SCMH1: variants seen among roughly 807,000 people sequenced by gnomAD.
The protein encoded by SCMH1 is Scm polycomb group protein homolog 1.
SCMH1 carries 37 observed loss-of-function variants against 70.8 expected under a neutral mutation model. That is an observed-to-expected ratio of 0.52 (90% CI 0.40 to 0.69). SCMH1 has a LOEUF of 0.69. Ranked by LOEUF, SCMH1 falls within the 30% of genes least tolerant of loss-of-function variation. SCMH1 has a pLI of 0.00. For synonymous variants in SCMH1, 292 were observed against 307.4 expected (o/e 0.95, Z 0.52); for missense variants, 607 against 827.3 (o/e 0.73, Z 3.27).
At chr1:41,071,294 T>C (rs1330277400) in intron 9 of SCMH1, among the ~76,000 whole-genome samples, 1 of 152,198 alleles carries the variant, frequency 6.6e-6, no homozygotes, top group Non-Finnish European at 1.5e-5. Context: ...CTTGAAATGC[T>C]CTCTTTTTAA....
chr1:41,204,739 G>C (rs1208665231), intron 1 of SCMH1, among the ~76,000 whole-genome samples: 1 of 152,054 alleles, frequency 6.6e-6, no homozygotes, highest in Non-Finnish European at 1.5e-5. Flanking sequence ...TCTCCACATA[G>C]CAGTTAGCAC....
At chr1:41,235,569 TAAAAAAAAAAAAAAAAAAA>T (rs61093555) in intron 1 of SCMH1, among the ~76,000 whole-genome samples, 1 of 43,086 alleles carries the variant, frequency 2.3e-5, no homozygotes, top group Non-Finnish European at 6.1e-5. Context: ...AGACTCCGTC[TAAAAAAAAAAAAAAAAAAA>T]AAAAAAAAGA....
rs780195099 is a variant in SCMH1 at position 41,028,206 on chromosome 1, C to A, written c.1935G>T (p.Gln645His). The A allele has an allele frequency of 2.5e-6, 4 of 1,614,048 alleles. No individual in the cohort carries two copies. In the Admixed American group the frequency reaches 5.0e-5, roughly 20 times the overall value. The change falls in exon 15 of 15, where the codon CAG (glutamine) becomes CAT (histidine). Residue 645 changes from glutamine (Q) to histidine (H), a missense_variant. Transcript: ENST00000337495. Reference sequence around the variant, plus strand: ...TGCCTCTCCTGGTTCAGAACTTGCCCTGCTTCAGCCGGTCAATGTGGTAGG... The same window carrying A: ...TGCCTCTCCTGGTTCAGAACTTGCCATGCTTCAGCCGGTCAATGTGGTAGG...
At chr1:41,207,220 C>A (rs1454621010) in intron 1 of SCMH1, among the ~76,000 whole-genome samples, 2 of 152,082 alleles carry the variant, frequency 1.3e-5, no homozygotes, top group Non-Finnish European at 2.9e-5. Context: ...GGGCTAAATG[C>A]CCCAATTAAA....
chr1:41,193,969 A>G (rs1337022153), intron 1 of SCMH1, among the ~76,000 whole-genome samples: 1 of 152,202 alleles, frequency 6.6e-6, no homozygotes, highest in Non-Finnish European at 1.5e-5. Context: ...TGCATACTAC[A>G]TGTCTACTAA....
chr1:41,061,235 G>A (rs989474800), intron 10 of SCMH1, among the ~76,000 whole-genome samples: 2 of 152,124 alleles, frequency 1.3e-5, no homozygotes, highest in African/African-American at 4.8e-5. Context: ...ACCAGGTTAG[G>A]AGGATGAGAG....
intron 1 of SCMH1, among the ~76,000 whole-genome samples, chr1:41,201,734 G>C (rs1288300410): frequency 6.6e-6 from 1 of 152,164 alleles, no homozygotes; most frequent in Admixed American, 6.5e-5. Flanking sequence ...AGTGACTTAA[G>C]AGGGCAAGAA....
chr1:41,045,439 A>G (rs569730698), intron 12 of SCMH1, among the ~76,000 whole-genome samples: 1 of 152,190 alleles, frequency 6.6e-6, no homozygotes, highest in Non-Finnish European at 1.5e-5. Flanking sequence ...AGAATGGGGG[A>G]ACAGTCACTT....
chr1:41,135,395 T>C (rs1643120869), intron 6 of SCMH1, among the ~76,000 whole-genome samples: 1 of 152,130 alleles, frequency 6.6e-6, no homozygotes. Context: ...TGGGGGCAGT[T>C]TCCCCTATGC....
chr1:41,096,989 C>T (rs548089284), intron 8 of SCMH1, among the ~76,000 whole-genome samples: 2 of 152,154 alleles, frequency 1.3e-5, no homozygotes, highest in Non-Finnish European at 2.9e-5. Flanking sequence ...TTCAGTTCTG[C>T]TCCAGTTTTG....
intron 10 of SCMH1, among the ~76,000 whole-genome samples, chr1:41,063,487 TA>T (rs200341793): frequency 0.022 from 3,273 of 149,976 alleles, 68 homozygotes; most frequent in South Asian, 0.042. Flanking sequence ...ATAATAATAA[TA>T]AAAAAAACAA....
chr1:41,081,819 TA>T (rs34212860), intron 8 of SCMH1, among the ~76,000 whole-genome samples: 11,774 of 148,344 alleles, frequency 0.079, 588 homozygotes, highest in South Asian at 0.13. Context: ...GACTCTGTCT[TA>T]AAAAAAAAAA....
Position 41,046,388 on chromosome 1 carries a change from G to A in SCMH1, c.1498+19C>T. ...GCCCTGTCCCCCACTCTCAGCCCAG[G>A]CCCCATCCCAGCTCCTACCTGGTAG... On this transcript the variant is annotated intron_variant, in intron 12 of 14. Transcript: ENST00000337495. The A allele has an allele frequency of 6.2e-7, 1 of 1,610,976 alleles. No homozygotes were observed.
At chr1:41,070,759 C>T in intron 9 of SCMH1, 38 bp from the exon 10 acceptor site, 2 of 1,610,562 alleles carry the variant, frequency 1.2e-6, no homozygotes, top group Non-Finnish European at 1.7e-6. Flanking sequence ...CTACCCATGA[C>T]AGGTCTTTTC....
At chr1:41,158,984 T>C (rs959142935) in intron 4 of SCMH1, among the ~76,000 whole-genome samples, 1 of 152,064 alleles carries the variant, frequency 6.6e-6, no homozygotes, top group African/African-American at 2.4e-5. Context: ...AAATATGAAA[T>C]GAATTACGTG....
At chr1:41,042,900 G>A (rs1272111239) in intron 12 of SCMH1, among the ~76,000 whole-genome samples, 10 of 151,846 alleles carry the variant, frequency 6.6e-5, no homozygotes, top group Non-Finnish European at 7.4e-5. Flanking sequence ...CCAATGTCAC[G>A]TCGTGAAAGA....
At chr1:41,100,243 T>C (rs1352668586) in intron 8 of SCMH1, among the ~76,000 whole-genome samples, 1 of 152,100 alleles carries the variant, frequency 6.6e-6, no homozygotes, top group Non-Finnish European at 1.5e-5. Flanking sequence ...CCGGGTATGG[T>C]GATAAAAGAG....
chr1:41,192,340 G>C (rs1187653146), intron 1 of SCMH1, among the ~76,000 whole-genome samples: 1 of 152,094 alleles, frequency 6.6e-6, no homozygotes, highest in African/African-American at 2.4e-5. Context: ...AGACTCTGCA[G>C]ACTGACAGCC....
chr1:41,146,313 G>C (rs765630254), intron 5 of SCMH1, among the ~76,000 whole-genome samples: 5 of 152,000 alleles, frequency 3.3e-5, no homozygotes, highest in Non-Finnish European at 5.9e-5. Context: ...AAAAAATTAA[G>C]TTTATAAAGC....
Sources: allele counts gnomAD v4.1 joint callset (sites outside exome capture counted in the v4.1 genomes callset), GRCh38; gene constraint gnomAD v4.1.1; transcripts MANE v1.5; gene names NCBI Gene and HGNC (gene_info 2026-07-23, HGNC 2026-07-21).